Variants in CCDC178 observed in about 807,000 individuals in gnomAD.
The protein encoded by CCDC178 is coiled-coil domain-containing protein 178.
A neutral mutation model predicts 117.4 loss-of-function variants in CCDC178; 126 were observed. The observed-to-expected ratio is 1.07, with a 90% confidence interval of 0.93 to 1.24. The LOEUF is 1.24. Among genes scored for constraint, CCDC178 ranks in the 50% most tolerant of loss-of-function variants. The pLI is 0.00. For synonymous variants in CCDC178, 283 were observed against 313.4 expected, an observed-to-expected ratio of 0.90 and a Z score of 1.02; for missense variants, 1,030 against 986.9, an observed-to-expected ratio of 1.04 and a Z score of -0.59.
At chr18:33,126,359 TA>T (rs1323743658) in intron 20 of CCDC178, among the ~76,000 whole-genome samples, 10 of 149,108 alleles carry the variant, frequency 6.7e-5, no homozygotes, top group African/African-American at 2.4e-4. Context: ...TATATTTAAT[TA>T]GTATATGTAT....
chr18:33,224,877 A>AT lies in CCDC178; in HGVS notation c.1715dup (p.Asn572LysfsTer2), dbSNP rs2059284005. ...CCAGTGACATGGCACATATTGCTCTATTTTTTATAAGCTCTTTCCGCTCAA... is the reference window on the plus strand; with the variant it reads ...CCAGTGACATGGCACATATTGCTCTATTTTTTTATAAGCTCTTTCCGCTCAA... On this transcript the variant is annotated frameshift_variant, in exon 17 of 23. Transcript: ENST00000383096. LOFTEE classifies it high-confidence loss of function. The AT allele has an allele frequency of 3.8e-6, 6 of 1,572,478 alleles. No homozygotes were observed. The highest frequency in any genetic ancestry group is 1.7e-4 in the Middle Eastern group (1 of 5,946).
chr18:33,123,454 G>A (rs1311909243), intron 20 of CCDC178, among the ~76,000 whole-genome samples: 1 of 152,050 alleles, frequency 6.6e-6, no homozygotes, highest in African/African-American at 2.4e-5. Context: ...TTGAACTACA[G>A]ACTCTCTTAC....
chr18:33,128,943 A>G (rs2058039439), intron 20 of CCDC178, among the ~76,000 whole-genome samples: 1 of 152,150 alleles, frequency 6.6e-6, no homozygotes, highest in African/African-American at 2.4e-5. Flanking sequence ...AAATCTTAAC[A>G]CAACTGCCGT....
chr18:33,406,733 T>G (rs1279160256), intron 3 of CCDC178, among the ~76,000 whole-genome samples: 2 of 152,112 alleles, frequency 1.3e-5, no homozygotes, highest in Admixed American at 6.6e-5. Context: ...ATCTAAAAGT[T>G]ATAGCAAGTC....
chr18:33,049,167 T>C (rs918644428), intron 21 of CCDC178, among the ~76,000 whole-genome samples: 9 of 152,144 alleles, frequency 5.9e-5, no homozygotes, highest in African/African-American at 9.6e-5. Context: ...ACTTTTTTCA[T>C]AGCCTCACAA....
intron 15 of CCDC178, among the ~76,000 whole-genome samples, chr18:33,244,912 T>G (rs2059529891): frequency 6.6e-6 from 1 of 151,936 alleles, no homozygotes; most frequent in Non-Finnish European, 1.5e-5. Context: ...CCTCTCAGAA[T>G]CCCTTCTTCC....
chr18:33,328,708 T>A (rs1321723538), intron 10 of CCDC178, among the ~76,000 whole-genome samples: 2 of 152,120 alleles, frequency 1.3e-5, no homozygotes, highest in Non-Finnish European at 2.9e-5. Flanking sequence ...TACTACAGCT[T>A]TGTAGTAAGT....
At chr18:33,094,025 T>C (rs888660030) in intron 20 of CCDC178, among the ~76,000 whole-genome samples, 4 of 152,006 alleles carry the variant, frequency 2.6e-5, no homozygotes, top group Non-Finnish European at 5.9e-5. Flanking sequence ...AGAATGTGTA[T>C]AGAGGAAATG....
chr18:33,365,276 G>A (rs1477633758), intron 6 of CCDC178, among the ~76,000 whole-genome samples: 2 of 151,904 alleles, frequency 1.3e-5, no homozygotes, highest in African/African-American at 4.8e-5. Context: ...GATATGAAGT[G>A]GTATAAAAAG....
chr18:33,401,909 T>C (rs2063714206), intron 3 of CCDC178, among the ~76,000 whole-genome samples: 1 of 152,144 alleles, frequency 6.6e-6, no homozygotes, highest in Non-Finnish European at 1.5e-5. Context: ...TTATTTATAT[T>C]CTTTGGTAAT....
At chr18:33,232,376 T>C (rs2059377899) in intron 15 of CCDC178, among the ~76,000 whole-genome samples, 1 of 152,156 alleles carries the variant, frequency 6.6e-6, no homozygotes, top group Admixed American at 6.5e-5. Context: ...ATCAAAGAAA[T>C]GGCTTCAGTT....
At chr18:33,254,071 A>C (rs373011143) in intron 14 of CCDC178, among the ~76,000 whole-genome samples, 1 of 152,016 alleles carries the variant, frequency 6.6e-6, no homozygotes, top group East Asian at 1.9e-4. Context: ...GAAAAAATAT[A>C]AGAAAAATAA....
At position 32,960,737 on chromosome 18, in the gene CCDC178, A is replaced by G. The variant is rs560219162; in HGVS notation, c.2523+13810T>C. ...CTAATTCTACCCCAAAAATCGATTCAGCCTGATGCCCCTTGGATTGTCAAT... is the reference window on the plus strand; with the variant it reads ...CTAATTCTACCCCAAAAATCGATTCGGCCTGATGCCCCTTGGATTGTCAAT... On this transcript the variant is annotated intron_variant, in intron 22 of 22. Transcript: ENST00000383096. Among the ~76,000 whole-genome samples, 175 of 152,240 alleles carry G rather than the reference A, an allele frequency of 1.1e-3. 5 individuals are homozygous for G. Among genetic ancestry groups the G allele is most frequent in the Non-Finnish European group, 7.9e-4 (54 of 68,000 alleles).
At chr18:33,012,177 A>G (rs1462564545) in intron 21 of CCDC178, among the ~76,000 whole-genome samples, 1 of 152,240 alleles carries the variant, frequency 6.6e-6, no homozygotes, top group Non-Finnish European at 1.5e-5. Context: ...TGAGGGCTCA[A>G]TTTGAATACT....
intron 21 of CCDC178, among the ~76,000 whole-genome samples, chr18:32,998,443 C>T (rs1347248374): frequency 2.6e-5 from 4 of 152,058 alleles, no homozygotes; most frequent in East Asian, 1.9e-4. Context: ...GTGCTGTGCT[C>T]GGCTCAGAGA....
At chr18:33,301,398 C>A (rs2062175204) in intron 11 of CCDC178, among the ~76,000 whole-genome samples, 1 of 152,184 alleles carries the variant, frequency 6.6e-6, no homozygotes, top group Non-Finnish European at 1.5e-5. Context: ...GGTTGGAGAC[C>A]CCACAGAGAA....
chr18:33,259,488 T>C (rs9948318), intron 14 of CCDC178, among the ~76,000 whole-genome samples: 10,242 of 152,080 alleles, frequency 0.067, 509 homozygotes, highest in African/African-American at 0.14. Flanking sequence ...CTTACAATCA[T>C]AGCGGAAGGC....
intron 6 of CCDC178, among the ~76,000 whole-genome samples, chr18:33,363,823 T>A (rs1428405478): frequency 6.6e-6 from 1 of 152,020 alleles, no homozygotes; most frequent in African/African-American, 2.4e-5. Context: ...TAAGAAAAGG[T>A]CATTGTAGTT....
intron 22 of CCDC178, among the ~76,000 whole-genome samples, chr18:32,938,980 G>A (rs1029259151): frequency 2.1e-4 from 32 of 151,878 alleles, no homozygotes; most frequent in African/African-American, 9.7e-5. Flanking sequence ...ACATATAAGC[G>A]GTTTTTTGGG....
Sources: allele counts gnomAD v4.1 joint callset (sites outside exome capture counted in the v4.1 genomes callset), GRCh38; gene constraint gnomAD v4.1.1; transcripts MANE v1.5; gene names NCBI Gene and HGNC (gene_info 2026-07-23, HGNC 2026-07-21).